TET2: variants seen among roughly 807,000 people sequenced by gnomAD.
TET2 encodes methylcytosine dioxygenase TET2.
TET2 carries 299 observed loss-of-function variants against 142.9 expected under a neutral mutation model. The ratio of observed to expected loss-of-function variants is 2.09; its 90% CI spans 1.90 to 2.30. The LOEUF (loss-of-function observed/expected upper bound fraction) is 2.30. Ranked by LOEUF, TET2 falls within the 30% of genes most tolerant of loss-of-function variation. TET2 has a pLI of 0.00. For missense variants in TET2, 2,418 were observed against 2,378.0 expected, an observed-to-expected ratio of 1.02 and a Z score of -0.35; for synonymous variants, 819 against 849.0, an observed-to-expected ratio of 0.96 and a Z score of 0.61.
At chr4:105,185,961 T>G (rs1039124723) in intron 1 of TET2, among the ~76,000 whole-genome samples, 3 of 152,172 alleles carry the variant, frequency 2.0e-5, no homozygotes, top group African/African-American at 7.2e-5. Flanking sequence ...GCGTGGTGGC[T>G]CACACCTGTA....
intron 1 of TET2, among the ~76,000 whole-genome samples, chr4:105,174,464 G>C (rs1465952917): frequency 1.3e-5 from 2 of 152,154 alleles, no homozygotes; most frequent in African/African-American, 4.8e-5. Flanking sequence ...AATCTTCTTA[G>C]ATCTGTCAGA....
chr4:105,174,011 G>T (rs1724632951), intron 1 of TET2, among the ~76,000 whole-genome samples: 1 of 152,118 alleles, frequency 6.6e-6, no homozygotes, highest in African/African-American at 2.4e-5. Flanking sequence ...GACCATAGCT[G>T]TCCCTATCAA....
At chr4:105,186,496 G>A (rs1420421023) in intron 1 of TET2, among the ~76,000 whole-genome samples, 2 of 113,746 alleles carry the variant, frequency 1.8e-5, no homozygotes, top group Non-Finnish European at 3.5e-5. Flanking sequence ...TTTTTTTTGA[G>A]ATGGAGTCTC....
At chr4:105,259,799 T>C in intron 7 of TET2, 30 bp downstream of exon 7, 1 of 1,540,916 alleles carries the variant, frequency 6.5e-7, no homozygotes, top group Non-Finnish European at 8.8e-7. Flanking sequence ...TATAATCGCT[T>C]TATTTTTCAT....
At chr4:105,197,095 G>A (rs978526770) in intron 2 of TET2, among the ~76,000 whole-genome samples, 1 of 152,090 alleles carries the variant, frequency 6.6e-6, no homozygotes, top group Admixed American at 6.6e-5. Flanking sequence ...TTAATTATAA[G>A]CAACACTTGT....
intron 1 of TET2, among the ~76,000 whole-genome samples, chr4:105,171,911 A>G (rs1243642410): frequency 6.6e-6 from 1 of 152,206 alleles, no homozygotes; most frequent in African/African-American, 2.4e-5. Context: ...TGTCCATAGC[A>G]TGCATTTCTC....
intron 4 of TET2, 93 bp downstream of exon 4, chr4:105,241,522 T>C (rs1729297002): frequency 1.4e-6 from 2 of 1,479,894 alleles, no homozygotes; most frequent in Non-Finnish European, 1.8e-6. Flanking sequence ...AGTAAACAAT[T>C]GTAAATTGAG....
In TET2 at chr4:105,235,637, T is replaced by C; in HGVS notation, c.1695T>C (p.Ile565=). The C allele has an allele frequency of 6.2e-7, 1 of 1,614,164 alleles. No homozygotes were observed. ...AGCACTATCTGAAACCAGGATGGAT[T>C]GAATTGAAGGCCCCTCGTTTTCACC... The part of the protein sequence containing the change: ...PTQHYLKPGW[I]ELKAPRFHQA... The change falls in exon 3 of 11, where the codon ATT becomes ATC. Residue 565 remains isoleucine (I), a synonymous_variant. Coordinates refer to ENST00000380013, the MANE Select transcript of TET2 (RefSeq NM_001127208.3).
chr4:105,149,333 A>T (rs1387410422), intron 1 of TET2, among the ~76,000 whole-genome samples: 2 of 152,204 alleles, frequency 1.3e-5, no homozygotes, highest in Non-Finnish European at 1.5e-5. Flanking sequence ...TCCTGTCATC[A>T]AATTTAGATT....
intron 2 of TET2, among the ~76,000 whole-genome samples, chr4:105,230,672 A>G (rs1022155000): frequency 2.6e-5 from 4 of 152,144 alleles, no homozygotes; most frequent in Non-Finnish European, 5.9e-5. Context: ...ATTTTTTAGT[A>G]TGTGGTTATT....
At position 105,234,736 on chromosome 4, in the gene TET2, C is replaced by T. The variant is rs1323042755; in HGVS notation, c.794C>T (p.Thr265Ile). 1 of 1,614,030 alleles carries T rather than the reference C, an allele frequency of 6.2e-7. No individual in the cohort carries two copies. Among genetic ancestry groups the T allele is most frequent in the Admixed American group, 1.7e-5 (1 of 59,984 alleles). ...QATNELSCEI[T>I]HPSHTSGQIN... Reference sequence around the variant, plus strand: ...ACTAATGAGTTGTCCTGTGAGATCACTCACCCATCGCATACCTCAGGGCAG... The same window carrying T: ...ACTAATGAGTTGTCCTGTGAGATCATTCACCCATCGCATACCTCAGGGCAG... The change falls in exon 3 of 11, where the codon ACT (threonine) becomes ATT (isoleucine). Residue 265 changes from threonine (T) to isoleucine (I), a missense_variant. Thr to Ile is a moderately conservative substitution (Grantham distance 89, BLOSUM62 -1). Coordinates refer to ENST00000380013, the MANE Select transcript of TET2 (RefSeq NM_001127208.3).
chr4:105,182,328 G>A (rs983146909), intron 1 of TET2, among the ~76,000 whole-genome samples: 1 of 152,098 alleles, frequency 6.6e-6, no homozygotes, highest in Admixed American at 6.6e-5. Flanking sequence ...TACTCCCTGG[G>A]TCTACCCACC....
At chr4:105,182,191 A>G (rs547523698) in intron 1 of TET2, among the ~76,000 whole-genome samples, 2 of 152,302 alleles carry the variant, frequency 1.3e-5, no homozygotes, top group East Asian at 1.9e-4. Context: ...TTATTTAAGA[A>G]TCATGCAAAC....
intron 8 of TET2, among the ~76,000 whole-genome samples, chr4:105,266,294 A>T (rs777938371): frequency 6.6e-6 from 1 of 152,166 alleles, no homozygotes. Context: ...AAATGAAAAC[A>T]TAGAAGGGCC....
chr4:105,151,199 T>C (rs567444890), intron 1 of TET2, among the ~76,000 whole-genome samples: 4 of 152,192 alleles, frequency 2.6e-5, no homozygotes, highest in African/African-American at 7.2e-5. Context: ...TACATTCCTG[T>C]AGTCCCAGCT....
intron 1 of TET2, among the ~76,000 whole-genome samples, chr4:105,161,474 G>A (rs1267361353): frequency 6.6e-6 from 1 of 152,172 alleles, no homozygotes; most frequent in Non-Finnish European, 1.5e-5. Flanking sequence ...GGCCTAAATA[G>A]TAAAAGCTTG....
intron 1 of TET2, among the ~76,000 whole-genome samples, chr4:105,172,773 A>G (rs1724549086): frequency 6.6e-6 from 1 of 152,220 alleles, no homozygotes; most frequent in Admixed American, 6.5e-5. Flanking sequence ...ATATAATGAG[A>G]ATACTAATGG....
chr4:105,276,573 A>G lies in TET2; in HGVS notation c.*54A>G. The G allele has an allele frequency of 1.3e-6, 2 of 1,502,324 alleles. No individual in the cohort carries two copies. Among genetic ancestry groups the G allele is most frequent in the Non-Finnish European group, 1.8e-6 (2 of 1,120,392 alleles). The allele number at this position is 1,502,324 out of a possible 1,614,324, so 93.1% of individuals were successfully genotyped here. A position where few individuals can be genotyped will look rare whatever the true frequency, so the allele number is the denominator to read the frequency against. ...TTGAAAAGACCACAACCAACCTGTC[A>G]GTAGTATAGTTCTCATGACGTGGGC... On this transcript the variant is annotated 3_prime_UTR_variant, in exon 11 of 11. Coordinates refer to ENST00000380013, the MANE Select transcript of TET2 (RefSeq NM_001127208.3).
chr4:105,221,283 T>G (rs188464420), intron 2 of TET2, among the ~76,000 whole-genome samples: 8 of 152,206 alleles, frequency 5.3e-5, no homozygotes. Context: ...TCATGCTCAT[T>G]TTACCAATAA....
Sources: gnomAD v4.1 joint callset for allele counts (sites outside exome capture counted in the v4.1 genomes callset) on GRCh38, gnomAD v4.1.1 for gene constraint, MANE v1.5 for transcripts, NCBI Gene and HGNC (gene_info 2026-07-23, HGNC 2026-07-21) for gene names.